LEKR1: variants seen among roughly 807,000 people sequenced by gnomAD.
LEKR1 encodes the protein protein LEKR1.
Under a neutral mutation model 72.4 loss-of-function variants are expected in LEKR1, and 59 were observed. The ratio of observed to expected loss-of-function variants is 0.82; its 90% CI spans 0.66 to 1.01. LEKR1 has a LOEUF of 1.01. LEKR1 is among the 50% of genes least tolerant of loss of function. The pLI is 0.00. For synonymous variants in LEKR1, 257 were observed against 263.2 expected, an observed-to-expected ratio of 0.98 and a Z score of 0.23; for missense variants, 728 against 759.2, an observed-to-expected ratio of 0.96 and a Z score of 0.48.
At chr3:156,895,576 A>C (rs1165438108) in intron 3 of LEKR1, among the ~76,000 whole-genome samples, 1 of 152,048 alleles carries the variant, frequency 6.6e-6, no homozygotes, top group African/African-American at 2.4e-5. Flanking sequence ...GCACCACTGC[A>C]CTCCAGCCTG....
In LEKR1 at chr3:156,907,963, A is replaced by G. The variant is rs115117914; in HGVS notation, c.264-12612A>G. Among the ~76,000 whole-genome samples, 440 of 151,944 alleles carry G rather than the reference A, an allele frequency of 2.9e-3. 2 individuals are homozygous for G. The highest frequency in any genetic ancestry group is 0.01 in the African/African-American group (420 of 41,466). On this transcript the variant is annotated intron_variant, in intron 3 of 12. Transcript: ENST00000356539. The stretch of plus-strand genomic sequence containing the variant: ...TCTTTCTTTGTCTTTCATGGTCTCG[A>G]GGCTTTTAAATACTGGTCATTTATT...
chr3:156,986,110 G>A (rs899991395), intron 7 of LEKR1, among the ~76,000 whole-genome samples: 1 of 152,128 alleles, frequency 6.6e-6, no homozygotes, highest in African/African-American at 2.4e-5. Flanking sequence ...AACACGACCT[G>A]GTGACACCTT....
intron 3 of LEKR1, among the ~76,000 whole-genome samples, chr3:156,854,927 A>G (rs1715861136): frequency 6.6e-6 from 1 of 152,144 alleles, no homozygotes; most frequent in Non-Finnish European, 1.5e-5. Context: ...TATATCAAAC[A>G]TATTGTTGTG....
chr3:156,990,188 T>G (rs1431513096), intron 7 of LEKR1, among the ~76,000 whole-genome samples: 1 of 152,142 alleles, frequency 6.6e-6, no homozygotes, highest in Non-Finnish European at 1.5e-5. Context: ...TTCTTCATTT[T>G]TATTGGTCTG....
intron 12 of LEKR1, among the ~76,000 whole-genome samples, chr3:157,034,644 T>C (rs1734840524): frequency 6.6e-6 from 1 of 152,198 alleles, no homozygotes; most frequent in African/African-American, 2.4e-5. Flanking sequence ...GAATATTATA[T>C]AAAATTAGTT....
intron 5 of LEKR1, among the ~76,000 whole-genome samples, chr3:156,932,453 G>A (rs1451368429): frequency 6.6e-6 from 1 of 152,102 alleles, no homozygotes; most frequent in Non-Finnish European, 1.5e-5. Flanking sequence ...ATGTGTGGTG[G>A]CTCATGCCTA....
At position 156,966,434 on chromosome 3, in the gene LEKR1, ACTG is replaced by A. The variant is rs1274115175; in HGVS notation, c.746-12758_746-12756del. Among the ~76,000 whole-genome samples, 12 of 152,284 alleles carry A rather than the reference ACTG, an allele frequency of 7.9e-5. No individual in the cohort carries two copies. The East Asian group carries it at 1.7e-3, about 22-fold the overall frequency. On this transcript the variant is annotated intron_variant, in intron 6 of 12. Transcript: ENST00000356539. ...AAAATCGTGTCACTTCCACCCTAATACTGCGCTTTTCCAATGATCTTAGCAAAT... is the reference window on the plus strand; with the variant it reads ...AAAATCGTGTCACTTCCACCCTAATACGCTTTTCCAATGATCTTAGCAAAT...
At chr3:157,016,120 A>G (rs1017117720) in intron 10 of LEKR1, among the ~76,000 whole-genome samples, 1 of 152,142 alleles carries the variant, frequency 6.6e-6, no homozygotes, top group Admixed American at 6.5e-5. Flanking sequence ...ATATATGTGT[A>G]ATTGAAATTC....
At chr3:157,031,950 G>A (rs1020726913) in intron 12 of LEKR1, among the ~76,000 whole-genome samples, 3 of 151,988 alleles carry the variant, frequency 2.0e-5, no homozygotes, top group Non-Finnish European at 4.4e-5. Flanking sequence ...GCAAAGCAGA[G>A]CAACAAAGGG....
At chr3:156,915,000 C>G (rs1723481503) in intron 3 of LEKR1, among the ~76,000 whole-genome samples, 1 of 152,034 alleles carries the variant, frequency 6.6e-6, no homozygotes, top group African/African-American at 2.4e-5. Context: ...TCCATCCATC[C>G]TCATCATTTG....
At chr3:156,948,251 T>A (rs921205198) in intron 6 of LEKR1, among the ~76,000 whole-genome samples, 7 of 151,300 alleles carry the variant, frequency 4.6e-5, no homozygotes, top group Admixed American at 2.6e-4. Flanking sequence ...TTAAATTTGT[T>A]ACTGTCAGTT....
At chr3:156,938,098 A>T (rs1294932985) in intron 5 of LEKR1, among the ~76,000 whole-genome samples, 1 of 152,110 alleles carries the variant, frequency 6.6e-6, no homozygotes, top group African/African-American at 2.4e-5. Context: ...GATTGTGTTG[A>T]TATGTAATGA....
chr3:157,017,881 G>A (rs777681555), intron 10 of LEKR1, among the ~76,000 whole-genome samples: 3 of 147,650 alleles, frequency 2.0e-5, no homozygotes, highest in Admixed American at 6.8e-5. Context: ...CCCAGGAGGC[G>A]GAGCTTGCAG....
At chr3:157,043,784 A>T (rs996530218) in intron 12 of LEKR1, among the ~76,000 whole-genome samples, 1 of 152,210 alleles carries the variant, frequency 6.6e-6, no homozygotes, top group African/African-American at 2.4e-5. Flanking sequence ...CACAAACACC[A>T]TCCTTGCTCT....
At chr3:156,958,015 G>A (rs1275365755) in intron 6 of LEKR1, among the ~76,000 whole-genome samples, 1 of 152,112 alleles carries the variant, frequency 6.6e-6, no homozygotes, top group East Asian at 1.9e-4. Context: ...AAACATTTTT[G>A]AAAGGCTGTT....
chr3:156,826,914 G>T (rs1711680981), intron 1 of LEKR1: 2 of 155,626 alleles, frequency 1.3e-5, no homozygotes, highest in South Asian at 2.0e-4. Context: ...ACTAGTGTGA[G>T]AAACGGAATT....
chr3:156,935,779 G>T lies in LEKR1; in HGVS notation c.560-6750G>T, dbSNP rs147484278. ...AGAAATGTGGATATAGCCTTTTGTT[G>T]AAATAACATTTTGGATATGTGGAAT... On this transcript the variant is annotated intron_variant, in intron 5 of 12. Transcript: ENST00000356539. 2.1e-3 allele frequency among the ~76,000 whole-genome samples: 327 copies of T among 152,162 alleles called. 1 individual carries two copies. The highest frequency in any genetic ancestry group is 7.6e-3 in the African/African-American group (315 of 41,536).
At chr3:156,966,642 G>T (rs1388536935) in intron 6 of LEKR1, among the ~76,000 whole-genome samples, 1 of 152,168 alleles carries the variant, frequency 6.6e-6, no homozygotes, top group African/African-American at 2.4e-5. Context: ...AGCTCAAACT[G>T]AGTGAAGCCC....
chr3:157,042,982 A>G (rs1735472507), intron 12 of LEKR1, among the ~76,000 whole-genome samples: 1 of 152,154 alleles, frequency 6.6e-6, no homozygotes, highest in Non-Finnish European at 1.5e-5. Flanking sequence ...TGTTTGGATC[A>G]TAGGGGCAGT....
Sources: allele counts gnomAD v4.1 joint callset (sites outside exome capture counted in the v4.1 genomes callset), GRCh38; gene constraint gnomAD v4.1.1; transcripts MANE v1.5; gene names NCBI Gene and HGNC (gene_info 2026-07-23, HGNC 2026-07-21).